The following TNKS variants were observed in gnomAD, a reference collection of about 807,000 sequenced individuals.
TNKS encodes the protein poly [ADP-ribose] polymerase tankyrase-1.
TNKS carries 72 observed loss-of-function variants against 135.8 expected under a neutral mutation model. The observed-to-expected ratio is 0.53, with a 90% CI of 0.44 to 0.64. The LOEUF (loss-of-function observed/expected upper bound fraction) is 0.64, where lower values mean the gene tolerates loss of function less well. Ranked by LOEUF, TNKS falls within the 30% of genes least tolerant of loss-of-function variation. TNKS has a pLI of 0.00. For missense variants in TNKS, 1,769 were observed against 1,674.0 expected (o/e 1.06, Z -0.99); for synonymous variants, 849 against 649.3 (o/e 1.31, Z -4.68).
At chr8:9,644,547 T>G (rs1273787370) in intron 3 of TNKS, among the ~76,000 whole-genome samples, 1 of 152,216 alleles carries the variant, frequency 6.6e-6, no homozygotes, top group African/African-American at 2.4e-5. Flanking sequence ...CTTCCATTTC[T>G]TGGACTTTTT....
intron 6 of TNKS, among the ~76,000 whole-genome samples, chr8:9,705,609 G>A (rs926438308): frequency 2.6e-5 from 4 of 152,142 alleles, no homozygotes; most frequent in Admixed American, 6.5e-5. Flanking sequence ...ACCAGGTTTT[G>A]TGCCATATGT....
intron 1 of TNKS, among the ~76,000 whole-genome samples, chr8:9,579,422 T>A (rs1798083798): frequency 1.3e-5 from 2 of 152,224 alleles, no homozygotes; most frequent in Non-Finnish European, 2.9e-5. Context: ...TGCTGTGTGT[T>A]GTGATTTGTC....
intron 20 of TNKS, among the ~76,000 whole-genome samples, chr8:9,755,860 T>C (rs906110144): frequency 6.6e-6 from 1 of 152,212 alleles, no homozygotes; most frequent in African/African-American, 2.4e-5. Context: ...CATCATAGCC[T>C]CACCTCCTAT....
At chr8:9,740,485 A>G (rs1393828268) in intron 17 of TNKS, among the ~76,000 whole-genome samples, 1 of 152,202 alleles carries the variant, frequency 6.6e-6, no homozygotes, top group African/African-American at 2.4e-5. Flanking sequence ...CCCATTTTAC[A>G]AAGACCTGTA....
intron 5 of TNKS, among the ~76,000 whole-genome samples, chr8:9,694,473 T>C (rs1803421803): frequency 6.6e-6 from 1 of 152,060 alleles, no homozygotes; most frequent in African/African-American, 2.4e-5. Flanking sequence ...TCAAAAAGTA[T>C]TGTCCAGGCC....
chr8:9,584,491 C>T (rs1798293220), intron 2 of TNKS, among the ~76,000 whole-genome samples: 1 of 152,154 alleles, frequency 6.6e-6, no homozygotes. Flanking sequence ...CATAATGTTT[C>T]CTACTAAAAG....
intron 1 of TNKS, chr8:9,558,344 C>CT (rs1797176682): frequency 6.6e-6 from 1 of 152,134 alleles, no homozygotes; most frequent in African/African-American, 2.4e-5. Flanking sequence ...CAGAAACAGA[C>CT]TTTTGCCTAT....
intron 1 of TNKS, among the ~76,000 whole-genome samples, chr8:9,573,654 T>C (rs556070346): frequency 9.2e-5 from 14 of 152,296 alleles, no homozygotes; most frequent in African/African-American, 3.1e-4. Context: ...TTGGGTGTAA[T>C]GGGATCTTTT....
chr8:9,600,340 G>A (rs540878408), intron 2 of TNKS, among the ~76,000 whole-genome samples: 1 of 152,144 alleles, frequency 6.6e-6, no homozygotes, highest in South Asian at 2.1e-4. Flanking sequence ...TTGAGATGGG[G>A]TCTCACTCTG....
At chr8:9,700,383 A>G (rs552890625) in intron 5 of TNKS, among the ~76,000 whole-genome samples, 1 of 152,286 alleles carries the variant, frequency 6.6e-6, no homozygotes, top group South Asian at 2.1e-4. Flanking sequence ...TGCTATCCCT[A>G]GCACTTAACG....
intron 20 of TNKS, among the ~76,000 whole-genome samples, chr8:9,760,474 C>G (rs377378416): frequency 2.0e-5 from 3 of 152,236 alleles, no homozygotes; most frequent in East Asian, 3.9e-4. Context: ...ATGTTACTTG[C>G]AAGTTAAAAA....
intron 5 of TNKS, among the ~76,000 whole-genome samples, chr8:9,697,561 A>G (rs900606999): frequency 6.6e-6 from 1 of 152,206 alleles, no homozygotes; most frequent in Non-Finnish European, 1.5e-5. Flanking sequence ...ACAAAGGTCT[A>G]ATATCCAGGA....
At position 9,556,366 on chromosome 8, in the gene TNKS, C is replaced by T; in HGVS notation, c.427C>T (p.Pro143Ser). The T allele has an allele frequency of 3.1e-6, 5 of 1,614,226 alleles. No homozygotes were observed. The highest frequency in any genetic ancestry group is 4.2e-6 in the Non-Finnish European group (5 of 1,180,024). Residue 143 changes from proline to serine, a missense_variant, in exon 1 of 27, where the codon CCA becomes TCA. Coordinates refer to ENST00000310430, the MANE Select transcript of TNKS (RefSeq NM_003747.3). ...SSPTSSSSSS[P>S]SSPGSSLAES... ...CCCGACTTCTTCCTCATCTTCCTCT[C>T]CATCCTCCCCTGGATCGAGCTTGGC...
At chr8:9,722,791 C>T (rs1449192266) in intron 12 of TNKS, among the ~76,000 whole-genome samples, 6 of 152,108 alleles carry the variant, frequency 3.9e-5, no homozygotes, top group Non-Finnish European at 7.4e-5. Context: ...GTCAGGCAAA[C>T]ACATAGCTTT....
At chr8:9,661,090 A>G (rs1232802652) in intron 3 of TNKS, among the ~76,000 whole-genome samples, 5 of 152,020 alleles carry the variant, frequency 3.3e-5, no homozygotes, top group Non-Finnish European at 7.4e-5. Flanking sequence ...AAGAGGATAC[A>G]AACAAATGGA....
chr8:9,576,824 A>G (rs1797967928), intron 1 of TNKS, among the ~76,000 whole-genome samples: 1 of 152,208 alleles, frequency 6.6e-6, no homozygotes, highest in East Asian at 1.9e-4. Flanking sequence ...TGACAAAAAT[A>G]ATGTGAATAT....
At chr8:9,747,812 T>C (rs1043775007) in intron 17 of TNKS, among the ~76,000 whole-genome samples, 2 of 152,108 alleles carry the variant, frequency 1.3e-5, no homozygotes, top group Non-Finnish European at 2.9e-5. Context: ...AATAGTATAA[T>C]TGTGTAATTG....
intron 3 of TNKS, among the ~76,000 whole-genome samples, chr8:9,657,464 C>CG (rs1801444294): frequency 1.1e-5 from 1 of 88,800 alleles, no homozygotes; most frequent in Admixed American, 9.5e-5. Context: ...GGCGGCTGGC[C>CG]GGGCGGGGGG....
At chr8:9,685,713 C>G (rs1332472303) in intron 5 of TNKS, among the ~76,000 whole-genome samples, 1 of 152,134 alleles carries the variant, frequency 6.6e-6, no homozygotes, top group East Asian at 1.9e-4. Context: ...ATAAATTTGT[C>G]TAAATTAGCA....
Sources: allele counts gnomAD v4.1 joint callset (sites outside exome capture counted in the v4.1 genomes callset), GRCh38; gene constraint gnomAD v4.1.1; transcripts MANE v1.5; gene names NCBI Gene and HGNC (gene_info 2026-07-23, HGNC 2026-07-21).